The following SV2C variants were observed in gnomAD, a reference collection of about 807,000 sequenced individuals.
The protein encoded by SV2C is solute carrier family 22 member B3.
SV2C carries 49 observed loss-of-function variants against 79.7 expected under a neutral mutation model. The ratio of observed to expected loss-of-function variants is 0.61; its 90% CI spans 0.49 to 0.78. The LOEUF (loss-of-function observed/expected upper bound fraction) is 0.78, where lower values mean the gene tolerates loss of function less well. Among genes scored for constraint, SV2C ranks in the 30% least tolerant of loss-of-function variants. The probability of loss-of-function intolerance (pLI) is 0.00; values close to 1 mark genes in which losing one functional copy is unlikely to be tolerated. For missense variants in SV2C, 833 were observed against 912.9 expected, an observed-to-expected ratio of 0.91 and a Z score of 1.13; for synonymous variants, 334 against 333.2, an observed-to-expected ratio of 1.00 and a Z score of -0.03.
At chr5:75,869,884 T>C in the SV2C span, among the ~76,000 whole-genome samples, 27 of 152,198 alleles carry the variant, frequency 1.8e-4, no homozygotes, top group Non-Finnish European at 2.9e-5. Flanking sequence ...CAGAGAATTA[T>C]GCCAGATATT....
the SV2C span, among the ~76,000 whole-genome samples, chr5:75,945,669 A>G: frequency 1.3e-5 from 2 of 152,076 alleles, no homozygotes; most frequent in Non-Finnish European, 2.9e-5. Context: ...AAGATAGATT[A>G]TAGCTTAGAC....
At chr5:76,253,374 C>T (rs1292285760) in intron 4 of SV2C, among the ~76,000 whole-genome samples, 2 of 152,118 alleles carry the variant, frequency 1.3e-5, no homozygotes, top group African/African-American at 4.8e-5. Context: ...TCACTGCAAC[C>T]TCGGTCTCCC....
chr5:75,947,724 A>G, the SV2C span, among the ~76,000 whole-genome samples: 3 of 152,068 alleles, frequency 2.0e-5, no homozygotes, highest in Non-Finnish European at 4.4e-5. Context: ...CAAAAACATC[A>G]TGTCTCAAAT....
At chr5:76,086,685 C>T (rs978478794) in intron 1 of SV2C, among the ~76,000 whole-genome samples, 1 of 152,152 alleles carries the variant, frequency 6.6e-6, no homozygotes, top group Admixed American at 6.5e-5. Context: ...TCAATCTCTG[C>T]TTTGCTTTTT....
At chr5:76,129,048 C>T (rs536643907) in intron 1 of SV2C, among the ~76,000 whole-genome samples, 4 of 152,276 alleles carry the variant, frequency 2.6e-5, no homozygotes, top group Non-Finnish European at 5.9e-5. Flanking sequence ...ACAGTCTGCC[C>T]CCAGCCAATC....
the SV2C span, among the ~76,000 whole-genome samples, chr5:76,031,705 G>C: frequency 6.6e-6 from 1 of 152,128 alleles, no homozygotes; most frequent in East Asian, 1.9e-4. Context: ...CAATGTAACA[G>C]GAGGCCCATT....
At chr5:76,140,895 T>C (rs2072706165) in intron 2 of SV2C, among the ~76,000 whole-genome samples, 1 of 152,190 alleles carries the variant, frequency 6.6e-6, no homozygotes, top group African/African-American at 2.4e-5. Flanking sequence ...TGTCTCTGTT[T>C]AGCCTCTCAG....
At chr5:76,078,171 A>G in the SV2C span, among the ~76,000 whole-genome samples, 1 of 152,212 alleles carries the variant, frequency 6.6e-6, no homozygotes, top group Non-Finnish European at 1.5e-5. Context: ...AATGCAGAAC[A>G]AGGACATCAC....
the SV2C span, among the ~76,000 whole-genome samples, chr5:75,951,071 G>C: frequency 7.2e-4 from 110 of 152,012 alleles, no homozygotes; most frequent in Non-Finnish European, 1.2e-3. Context: ...AAATGCCATA[G>C]AATATTAGAA....
intron 1 of SV2C, among the ~76,000 whole-genome samples, chr5:76,094,043 A>G (rs1317719764): frequency 6.6e-6 from 1 of 152,198 alleles, no homozygotes; most frequent in African/African-American, 2.4e-5. Flanking sequence ...TTAGGAGTTC[A>G]AGACCAGCCT....
At chr5:75,917,347 C>T in the SV2C span, among the ~76,000 whole-genome samples, 4 of 152,168 alleles carry the variant, frequency 2.6e-5, no homozygotes, top group African/African-American at 9.7e-5. Context: ...TATATAACTT[C>T]TGACATGTAC....
At chr5:76,155,966 A>C (rs1742710947) in intron 2 of SV2C, among the ~76,000 whole-genome samples, 1 of 148,040 alleles carries the variant, frequency 6.8e-6, no homozygotes, top group Non-Finnish European at 1.5e-5. Context: ...AAAAAAAAAA[A>C]AAAGTAGAGG....
the SV2C span, among the ~76,000 whole-genome samples, chr5:75,871,180 A>G: frequency 4.1e-4 from 62 of 152,350 alleles, 1 homozygote; most frequent in Admixed American, 3.0e-3. Flanking sequence ...AAGACATTTC[A>G]TATAATTCAA....
chr5:76,056,397 T>C, the SV2C span, among the ~76,000 whole-genome samples: 1 of 152,286 alleles, frequency 6.6e-6, no homozygotes, highest in South Asian at 2.1e-4. Flanking sequence ...CATTTGTCAG[T>C]ATTTTATTGA....
the SV2C span, among the ~76,000 whole-genome samples, chr5:75,989,982 G>T: frequency 1.0e-4 from 15 of 146,876 alleles, no homozygotes; most frequent in East Asian, 1.2e-3. Flanking sequence ...TTTTAATGGG[G>T]TTTTTTTTTT....
At chr5:76,062,625 A>G in the SV2C span, among the ~76,000 whole-genome samples, 1 of 125,980 alleles carries the variant, frequency 7.9e-6, no homozygotes, top group African/African-American at 2.6e-5. Flanking sequence ...TTGTGTCTGA[A>G]AAAAAAAAAA....
chr5:76,155,183 A>G (rs1742682576), intron 2 of SV2C, among the ~76,000 whole-genome samples: 1 of 152,342 alleles, frequency 6.6e-6, no homozygotes, highest in African/African-American at 2.4e-5. Flanking sequence ...AAACAAAAAG[A>G]AAGGCAGTTG....
intron 4 of SV2C, among the ~76,000 whole-genome samples, chr5:76,255,776 G>A (rs1746244168): frequency 6.6e-6 from 1 of 152,092 alleles, no homozygotes; most frequent in East Asian, 1.9e-4. Flanking sequence ...GAGCCACTGG[G>A]CCACTGGAGG....
At chr5:76,162,576 C>T (rs4610441) in intron 2 of SV2C, among the ~76,000 whole-genome samples, 100,553 of 152,072 alleles carry the variant, frequency 0.66, 34,207 homozygotes, top group East Asian at 0.97. Context: ...CACCTCCAAC[C>T]TCTGTGATGC....
Sources: gnomAD v4.1 joint callset for allele counts (sites outside exome capture counted in the v4.1 genomes callset) on GRCh38, gnomAD v4.1.1 for gene constraint, MANE v1.5 for transcripts, NCBI Gene and HGNC (gene_info 2026-07-23, HGNC 2026-07-21) for gene names.